TNKS: variants seen among roughly 807,000 people sequenced by gnomAD.
TNKS encodes tankyrase.
TNKS carries 72 observed loss-of-function variants against 135.8 expected under a neutral mutation model. The observed-to-expected ratio is 0.53, with a 90% CI of 0.44 to 0.64. The LOEUF (loss-of-function observed/expected upper bound fraction) is 0.64. Among genes scored for constraint, TNKS ranks in the 30% least tolerant of loss-of-function variants. The probability of loss-of-function intolerance (pLI) is 0.00; values close to 1 mark genes in which losing one functional copy is unlikely to be tolerated. For missense variants in TNKS, 1,769 were observed against 1,674.0 expected, an observed-to-expected ratio of 1.06 and a Z score of -0.99; for synonymous variants, 849 against 649.3, an observed-to-expected ratio of 1.31 and a Z score of -4.68.
In TNKS at chr8:9,735,082, C is replaced by A; in HGVS notation, c.2531C>A (p.Ala844Glu). The A allele has an allele frequency of 6.2e-7, 1 of 1,612,736 alleles. No individual in the cohort carries two copies. The highest frequency in any genetic ancestry group is 8.5e-7 in the Non-Finnish European group (1 of 1,179,436). The change falls in exon 16 of 27, where the codon GCA becomes GAA. Residue 844 changes from alanine to glutamate, a missense_variant and splice_region_variant. Transcript: ENST00000310430. ...AGAAATTCAACCCCTCTGCACCTGGCAGGTAAGCGCCCCCAGTGCCTCCAA... is the reference window on the plus strand; with the variant it reads ...AGAAATTCAACCCCTCTGCACCTGGAAGGTAAGCGCCCCCAGTGCCTCCAA... ...QGRNSTPLHL[A>E]AGYNNLEVAE...
chr8:9,714,631 C>G (rs1031728596), intron 11 of TNKS, among the ~76,000 whole-genome samples: 1 of 152,058 alleles, frequency 6.6e-6, no homozygotes, highest in African/African-American at 2.4e-5. Context: ...CAAACTTGAC[C>G]TCAGTCCTGA....
chr8:9,587,290 G>C (rs575836814), intron 2 of TNKS, among the ~76,000 whole-genome samples: 29 of 152,106 alleles, frequency 1.9e-4, no homozygotes, highest in African/African-American at 6.5e-4. Flanking sequence ...AGAGAGAAAG[G>C]GTTCCCTAAA....
chr8:9,672,601 G>A (rs1802327336), intron 3 of TNKS, among the ~76,000 whole-genome samples: 1 of 140,738 alleles, frequency 7.1e-6, no homozygotes, highest in African/African-American at 2.6e-5. Context: ...ATCAAATAGG[G>A]AATTTACTTT....
chr8:9,659,750 G>A (rs1007477482), intron 3 of TNKS, among the ~76,000 whole-genome samples: 2 of 152,192 alleles, frequency 1.3e-5, no homozygotes, highest in Admixed American at 1.3e-4. Context: ...CAGAACTGAA[G>A]GAGATAGAGA....
At chr8:9,675,180 A>T (rs987640996) in intron 3 of TNKS, among the ~76,000 whole-genome samples, 3 of 152,194 alleles carry the variant, frequency 2.0e-5, no homozygotes, top group African/African-American at 7.2e-5. Context: ...CCACAGCCAC[A>T]TAGCTGGTTT....
chr8:9,705,912 A>G (rs939763573), intron 6 of TNKS, among the ~76,000 whole-genome samples: 3 of 152,184 alleles, frequency 2.0e-5, no homozygotes, highest in Admixed American at 1.3e-4. Flanking sequence ...TATATAATGC[A>G]TGCATTTGTC....
intron 1 of TNKS, chr8:9,556,881 A>G: frequency 1.8e-6 from 1 of 557,368 alleles, no homozygotes; most frequent in South Asian, 2.6e-5. Flanking sequence ...CTGCATATGG[A>G]TATATTTACA....
chr8:9,587,860 G>A (rs1256370817), intron 2 of TNKS, among the ~76,000 whole-genome samples: 1 of 152,128 alleles, frequency 6.6e-6, no homozygotes, highest in African/African-American at 2.4e-5. Context: ...ATCTTACAGC[G>A]GTTTTGCAAA....
In TNKS at chr8:9,732,544, C is replaced by T. The variant is rs570274143; in HGVS notation, c.2148-735C>T. ...GAGCAATCAGCATTTGCTTCTATTG[C>T]TCATTTTAACAGTTAGCATATTTCA... On this transcript the variant is annotated intron_variant, in intron 14 of 26. Coordinates refer to ENST00000310430, the MANE Select transcript of TNKS (RefSeq NM_003747.3). Among the ~76,000 whole-genome samples the T allele has an allele frequency of 1.6e-4, 24 of 150,182 alleles. No homozygotes were observed. The South Asian group carries it at 5.0e-3, about 32-fold the overall frequency.
intron 3 of TNKS, among the ~76,000 whole-genome samples, chr8:9,669,636 A>G (rs1482755773): frequency 6.6e-6 from 1 of 152,186 alleles, no homozygotes; most frequent in African/African-American, 2.4e-5. Flanking sequence ...GAACATAGTT[A>G]TAGCAGAAGT....
At chr8:9,620,327 A>T (rs975024808) in intron 3 of TNKS, among the ~76,000 whole-genome samples, 10 of 151,910 alleles carry the variant, frequency 6.6e-5, no homozygotes, top group Non-Finnish European at 1.0e-4. Context: ...TCCCAATCTG[A>T]CCGTTTCTTA....
chr8:9,645,367 A>G (rs1273390779), intron 3 of TNKS, among the ~76,000 whole-genome samples: 2 of 152,214 alleles, frequency 1.3e-5, no homozygotes, highest in Non-Finnish European at 2.9e-5. Flanking sequence ...ACCATGCTGC[A>G]CAGAGATGTT....
intron 3 of TNKS, among the ~76,000 whole-genome samples, chr8:9,676,303 A>G (rs1257401309): frequency 1.3e-5 from 2 of 152,086 alleles, no homozygotes; most frequent in Non-Finnish European, 2.9e-5. Flanking sequence ...GTGAGCCACC[A>G]TGCCTGGCCC....
intron 26 of TNKS, among the ~76,000 whole-genome samples, chr8:9,772,807 GT>G (rs1491456940): frequency 5.6e-5 from 6 of 107,586 alleles, no homozygotes; most frequent in African/African-American, 1.2e-4. Context: ...GTGTGTGTGT[GT>G]TTGTGTGTGT....
At chr8:9,592,411 G>A (rs1003410930) in intron 2 of TNKS, among the ~76,000 whole-genome samples, 2 of 152,152 alleles carry the variant, frequency 1.3e-5, no homozygotes, top group African/African-American at 4.8e-5. Context: ...TAGGAGACAG[G>A]AAATACAAAC....
Position 9,624,214 on chromosome 8 carries a change from A to G in TNKS, c.994+8537A>G, listed in dbSNP as rs917624003. On this transcript the variant is annotated intron_variant, in intron 3 of 26. Transcript: ENST00000310430. ...TCTGAGAGCAGCTGTCATTTTCCCT[A>G]GTAAATTATAGCAACTCTGTAACAT... Among the ~76,000 whole-genome samples the G allele has an allele frequency of 7.9e-4, 120 of 152,312 alleles. 2 individuals carry two copies. Among genetic ancestry groups the G allele is most frequent in the African/African-American group, 2.8e-3 (115 of 41,570 alleles).
intron 3 of TNKS, among the ~76,000 whole-genome samples, chr8:9,632,365 C>T (rs1428934441): frequency 2.0e-5 from 3 of 152,256 alleles, no homozygotes; most frequent in Non-Finnish European, 1.5e-5. Context: ...TGTATACTCT[C>T]GCATAGATTC....
intron 1 of TNKS, among the ~76,000 whole-genome samples, chr8:9,574,802 C>G (rs943828026): frequency 6.6e-6 from 1 of 151,916 alleles, no homozygotes; most frequent in Non-Finnish European, 1.5e-5. Flanking sequence ...GGCCAATGAA[C>G]TATGTATGAA....
At chr8:9,612,667 A>G (rs1799504789) in intron 2 of TNKS, among the ~76,000 whole-genome samples, 2 of 152,302 alleles carry the variant, frequency 1.3e-5, no homozygotes, top group Middle Eastern at 3.4e-3. Flanking sequence ...TCATTTAAAT[A>G]TTATCTGTGG....
Sources: allele counts gnomAD v4.1 joint callset (sites outside exome capture counted in the v4.1 genomes callset), GRCh38; gene constraint gnomAD v4.1.1; transcripts MANE v1.5; gene names NCBI Gene and HGNC (gene_info 2026-07-23, HGNC 2026-07-21).